Variants in SLC7A14 observed in about 807,000 individuals in gnomAD.
SLC7A14 encodes solute carrier family 7 member 14.
A neutral mutation model predicts 60.2 loss-of-function variants in SLC7A14; 37 were observed. The ratio of observed to expected loss-of-function variants is 0.61; its 90% CI spans 0.47 to 0.81. SLC7A14 has a LOEUF of 0.81. Ranked by LOEUF, SLC7A14 falls within the 30% of genes least tolerant of loss-of-function variation. The probability of loss-of-function intolerance (pLI) is 0.00; values close to 1 mark genes in which losing one functional copy is unlikely to be tolerated. For synonymous variants in SLC7A14, 399 were observed against 395.8 expected (o/e 1.01, Z -0.10); for missense variants, 886 against 982.7 (o/e 0.90, Z 1.32).
At chr3:170,515,359 A>G (rs1713124064) in intron 2 of SLC7A14, among the ~76,000 whole-genome samples, 1 of 151,162 alleles carries the variant, frequency 6.6e-6, no homozygotes, top group African/African-American at 2.4e-5. Context: ...TATATTATGG[A>G]TATGGAAAGG....
At chr3:170,475,301 T>C (rs1384143023) in intron 7 of SLC7A14, among the ~76,000 whole-genome samples, 1 of 152,224 alleles carries the variant, frequency 6.6e-6, no homozygotes, top group Non-Finnish European at 1.5e-5. Context: ...AAAATGTGTC[T>C]TAAGAAGTTT....
At chr3:170,502,248 T>G (rs2108281243) in intron 2 of SLC7A14, among the ~76,000 whole-genome samples, 1 of 152,128 alleles carries the variant, frequency 6.6e-6, no homozygotes, top group South Asian at 2.1e-4. Context: ...TTTTCCAAAG[T>G]GGGTTCAGGG....
intron 1 of SLC7A14, among the ~76,000 whole-genome samples, chr3:170,567,580 C>T (rs1351549834): frequency 1.3e-5 from 2 of 150,794 alleles, no homozygotes; most frequent in African/African-American, 4.9e-5. Context: ...TGAGGAATCG[C>T]CACACTGACT....
intron 1 of SLC7A14, among the ~76,000 whole-genome samples, chr3:170,539,661 C>A (rs1042134467): frequency 3.3e-5 from 5 of 152,132 alleles, no homozygotes; most frequent in Non-Finnish European, 5.9e-5. Context: ...TAAATTATCT[C>A]TATTTAAAAA....
chr3:170,566,702 G>A (rs887287857), intron 1 of SLC7A14, among the ~76,000 whole-genome samples: 3 of 151,960 alleles, frequency 2.0e-5, no homozygotes, highest in African/African-American at 7.2e-5. Context: ...GAAGAGATGA[G>A]TTTCACTCAT....
chr3:170,530,280 A>G (rs1375210154), intron 1 of SLC7A14, among the ~76,000 whole-genome samples: 1 of 152,228 alleles, frequency 6.6e-6, no homozygotes, highest in Non-Finnish European at 1.5e-5. Flanking sequence ...TGCTCCTCAC[A>G]TTGTGGTTCA....
chr3:170,529,028 C>T lies in SLC7A14; in HGVS notation c.-152-1940G>A, dbSNP rs978905826. Among the ~76,000 whole-genome samples the T allele has an allele frequency of 7.2e-5, 11 of 152,322 alleles. 1 individual carries two copies. The South Asian group carries it at 1.0e-3, about 14-fold the overall frequency. On this transcript the variant is annotated intron_variant, in intron 1 of 7. Transcript: ENST00000231706. ...GCAGCCTGGGATGAGAGATAGTGGA[C>T]GCCAAATCACACTGCAAGTGAGAGG...
intron 1 of SLC7A14, among the ~76,000 whole-genome samples, chr3:170,534,886 A>G (rs111898635): frequency 0.048 from 7,324 of 152,246 alleles, 571 homozygotes; most frequent in African/African-American, 0.17. Flanking sequence ...AACACTCCAG[A>G]GTTGCGAATA....
intron 1 of SLC7A14, among the ~76,000 whole-genome samples, chr3:170,527,740 A>G (rs1400573101): frequency 7.2e-5 from 11 of 151,858 alleles, no homozygotes; most frequent in Non-Finnish European, 1.5e-4. Context: ...ATCTGGGGGG[A>G]ACCTGAGATG....
At chr3:170,506,281 A>T (rs1712778740) in intron 2 of SLC7A14, among the ~76,000 whole-genome samples, 2 of 152,210 alleles carry the variant, frequency 1.3e-5, no homozygotes, top group African/African-American at 4.8e-5. Flanking sequence ...CTTTTCAATT[A>T]CCCACGATAT....
intron 5 of SLC7A14, among the ~76,000 whole-genome samples, chr3:170,485,069 G>T (rs1334994989): frequency 1.3e-5 from 2 of 152,150 alleles, no homozygotes; most frequent in Non-Finnish European, 2.9e-5. Flanking sequence ...GAAATGCAGA[G>T]TGTCCTTGCT....
rs1157088956 is a variant in SLC7A14 at position 170,569,604 on chromosome 3, A to G, written c.-153+16307T>C. Among the ~76,000 whole-genome samples the G allele has an allele frequency of 8.6e-5, 13 of 151,986 alleles. 1 individual carries two copies. On this transcript the variant is annotated intron_variant, in intron 1 of 7. Coordinates refer to ENST00000231706, the MANE Select transcript of SLC7A14 (RefSeq NM_020949.3). ...AGGAATGGTACCAGTTCCTCCTTGT[A>G]CCTCTGTAGAATTCGGCTGTGAATC...
At chr3:170,524,996 C>T (rs1390097387) in intron 2 of SLC7A14, among the ~76,000 whole-genome samples, 2 of 152,176 alleles carry the variant, frequency 1.3e-5, no homozygotes, top group African/African-American at 2.4e-5. Context: ...TCTTTGTGTC[C>T]TATGTGAGCA....
chr3:170,526,916 C>A lies in SLC7A14; in HGVS notation c.21G>T (p.Ser7=), dbSNP rs1234634704. 1.9e-6 allele frequency: 3 copies of A among 1,613,008 alleles called. No individual in the cohort carries two copies. The highest frequency in any genetic ancestry group is 2.2e-5 in the South Asian group (2 of 90,868). ...CCCACTGCACCCGCCGGGGGTCCAGCGAGGTGAAGAAGCCACTCATCTTGA... is the reference window on the plus strand; with the variant it reads ...CCCACTGCACCCGCCGGGGGTCCAGAGAGGTGAAGAAGCCACTCATCTTGA... MSGFFT[S]LDPRRVQWGA... The change falls in exon 2 of 8, where the codon TCG becomes TCT. Residue 7 remains serine (S), a synonymous_variant. Transcript: ENST00000231706.
chr3:170,505,134 A>G (rs1712736958), intron 2 of SLC7A14, among the ~76,000 whole-genome samples: 1 of 152,108 alleles, frequency 6.6e-6, no homozygotes, highest in African/African-American at 2.4e-5. Context: ...TAGACATTGA[A>G]TTTTCCAGGA....
intron 1 of SLC7A14, 117 bp from the exon 2 acceptor site, chr3:170,527,205 C>T (rs1456022056): frequency 6.1e-6 from 3 of 493,358 alleles, no homozygotes; most frequent in South Asian, 2.4e-5. Context: ...CCCGTGTGCT[C>T]ATAACACGGA....
intron 1 of SLC7A14, among the ~76,000 whole-genome samples, chr3:170,583,240 G>T (rs1266539394): frequency 1.3e-5 from 2 of 152,136 alleles, no homozygotes; most frequent in Admixed American, 6.5e-5. Flanking sequence ...ATTCCCATTT[G>T]TGAATTGCTG....
chr3:170,483,578 G>C, intron 5 of SLC7A14, 56 bp from the exon 6 acceptor site: 2 of 1,590,302 alleles, frequency 1.3e-6, no homozygotes, highest in Admixed American at 3.3e-5. Context: ...AGCATGGATA[G>C]AGGCCCCACG....
chr3:170,581,274 G>T (rs1715225530), intron 1 of SLC7A14, among the ~76,000 whole-genome samples: 1 of 152,028 alleles, frequency 6.6e-6, no homozygotes, highest in East Asian at 1.9e-4. Flanking sequence ...AATATGTTTT[G>T]AAAATTATCC....
Sources: gnomAD v4.1 joint callset for allele counts (sites outside exome capture counted in the v4.1 genomes callset) on GRCh38, gnomAD v4.1.1 for gene constraint, MANE v1.5 for transcripts, NCBI Gene and HGNC (gene_info 2026-07-23, HGNC 2026-07-21) for gene names.